Variants in CELF2 observed in about 807,000 individuals in gnomAD.
CELF2 encodes the protein CUGBP Elav-like family member 2, also known as CUG triplet repeat RNA-binding protein 2.
Under a neutral mutation model 62.6 loss-of-function variants are expected in CELF2, and 8 were observed. The ratio of observed to expected loss-of-function variants is 0.13; its 90% confidence interval spans 0.07 to 0.23. The LOEUF (loss-of-function observed/expected upper bound fraction) is 0.23. Ranked by LOEUF, CELF2 falls within the 10% of genes least tolerant of loss-of-function variation. CELF2 has a pLI of 1.00. For synonymous variants in CELF2, 258 were observed against 250.0 expected (o/e 1.03, Z -0.30); for missense variants, 333 against 671.0 (o/e 0.50, Z 5.56).
the CELF2 span, among the ~76,000 whole-genome samples, chr10:10,629,861 CAAAAAAAAAAAAAAAGAAA>C: frequency 4.0e-4 from 5 of 12,350 alleles, no homozygotes; most frequent in East Asian, 9.2e-3. Flanking sequence ...GGCTGAAGAC[CAAAAAAAAAAAAAAAGAAA>C]AAAAAAAAAA....
At chr10:11,229,732 G>C (rs1264430346) in intron 3 of CELF2, among the ~76,000 whole-genome samples, 1 of 152,020 alleles carries the variant, frequency 6.6e-6, no homozygotes, top group African/African-American at 2.4e-5. Flanking sequence ...TGGGATTATA[G>C]GCATGTGCCA....
At chr10:10,813,901 G>C (rs969613888) in intron 1 of CELF2, among the ~76,000 whole-genome samples, 2 of 152,156 alleles carry the variant, frequency 1.3e-5, no homozygotes, top group Non-Finnish European at 2.9e-5. Flanking sequence ...GAGAGAATCT[G>C]CTTCCCCCAG....
chr10:11,314,247 A>G lies in CELF2; in HGVS notation c.1085A>G (p.Asn362Ser). ...GCCACTGTTGGACTGAATAATATTA[A>G]TGCACTAGCAGGTACCATCAACAGT... ...AGATVGLNNINALAVAQMLSG... is the reference protein window; with the variant it reads ...AGATVGLNNISALAVAQMLSG... The change falls in exon 10 of 13, where the codon AAT becomes AGT. Residue 362 changes from asparagine (N) to serine (S), a missense_variant. By Grantham distance (46) the Asn-to-Ser change is conservative. Around this residue, in one of 3 missense-constraint regions of CELF2, gnomAD observed 253 missense variants for 503.0 expected, o/e 0.50. Coordinates refer to ENST00000633077, the MANE Select transcript of CELF2 (RefSeq NM_001326342.2). The surrounding 1 kb of genome is among the most constrained non-coding windows in gnomAD (Gnocchi z 5.3). The G allele has an allele frequency of 6.2e-6, 10 of 1,614,156 alleles. No individual in the cohort carries two copies. Among genetic ancestry groups the G allele is most frequent in the Non-Finnish European group, 8.5e-6 (10 of 1,180,018 alleles).
intron 1 of CELF2, among the ~76,000 whole-genome samples, chr10:11,107,581 A>G (rs1453502948): frequency 2.0e-5 from 3 of 152,040 alleles, no homozygotes; most frequent in Non-Finnish European, 4.4e-5. Flanking sequence ...ATACTATGCT[A>G]TATTTTAACC....
chr10:11,133,826 A>G (rs752029081), intron 1 of CELF2, among the ~76,000 whole-genome samples: 4 of 152,230 alleles, frequency 2.6e-5, no homozygotes, highest in Admixed American at 6.5e-5. Context: ...AGCTTCTTAC[A>G]GAAGAAGGTA....
chr10:11,333,944 T>G lies in CELF2; in HGVS notation c.*4891T>G, dbSNP rs2096073764. On this transcript the variant is annotated 3_prime_UTR_variant, in exon 13 of 13. Coordinates refer to ENST00000633077, the MANE Select transcript of CELF2 (RefSeq NM_001326342.2). ...GCTCTGGTGGGCCCCTGACAATGAC[T>G]GATTTCAAGTTTGATTTCGGGTTGA... 1 of 151,342 alleles carries G rather than the reference T, an allele frequency of 6.6e-6. No individual in the cohort carries two copies. Among genetic ancestry groups the G allele is most frequent in the African/African-American group, 2.5e-5 (1 of 40,778 alleles). The allele number at this position is 151,342 out of a possible 1,614,324, so 9.4% of individuals were successfully genotyped here. A position where few individuals can be genotyped will look rare whatever the true frequency, so the allele number is the denominator to read the frequency against.
intron 1 of CELF2, among the ~76,000 whole-genome samples, chr10:11,058,760 G>A (rs964194998): frequency 2.0e-5 from 3 of 151,828 alleles, no homozygotes; most frequent in South Asian, 2.1e-4. Flanking sequence ...GACCCACCGC[G>A]CCCGGGCTTT....
At chr10:11,116,541 C>G (rs1779343701) in intron 1 of CELF2, among the ~76,000 whole-genome samples, 1 of 152,180 alleles carries the variant, frequency 6.6e-6, no homozygotes, top group African/African-American at 2.4e-5. Context: ...GTCTTGAGCG[C>G]TAGTGCCACA....
At chr10:10,832,203 G>T (rs1287850625) in intron 1 of CELF2, among the ~76,000 whole-genome samples, 1 of 151,892 alleles carries the variant, frequency 6.6e-6, no homozygotes, top group Non-Finnish European at 1.5e-5. Flanking sequence ...AGGAGGCGGA[G>T]GTTCCAGTGA....
At chr10:10,874,754 T>C (rs2060979028) in intron 1 of CELF2, among the ~76,000 whole-genome samples, 1 of 152,180 alleles carries the variant, frequency 6.6e-6, no homozygotes, top group African/African-American at 2.4e-5. Flanking sequence ...ATTGGAAAGA[T>C]GGAGTATGTA....
chr10:11,106,391 C>T (rs1355502171), intron 1 of CELF2, among the ~76,000 whole-genome samples: 1 of 152,140 alleles, frequency 6.6e-6, no homozygotes, highest in Non-Finnish European at 1.5e-5. Flanking sequence ...CATGCACCAC[C>T]GTGCCCGGCT....
chr10:11,167,606 A>G (rs1194273218), intron 2 of CELF2, among the ~76,000 whole-genome samples: 1 of 152,166 alleles, frequency 6.6e-6, no homozygotes, highest in East Asian at 1.9e-4. Context: ...TCTCTTGCCC[A>G]GATGTTCCTA....
chr10:10,779,626 C>T, the CELF2 span, among the ~76,000 whole-genome samples: 4 of 152,042 alleles, frequency 2.6e-5, no homozygotes, highest in African/African-American at 9.7e-5. Flanking sequence ...TTTTCTGCCT[C>T]GCTCTACATC....
At chr10:10,693,997 G>A in the CELF2 span, among the ~76,000 whole-genome samples, 2 of 150,118 alleles carry the variant, frequency 1.3e-5, no homozygotes, top group African/African-American at 4.9e-5. Flanking sequence ...AGGGTTTTTT[G>A]TGTCTCTATT....
chr10:11,314,216 G>C lies in CELF2; in HGVS notation c.1054G>C (p.Ala352Pro). Residue 352 changes from alanine to proline, a missense_variant, in exon 10 of 13, where the codon GCT becomes CCT. Physicochemically the swap from Ala to Pro is conservative, Grantham distance 27 (BLOSUM62 -1). Coordinates refer to ENST00000633077, the MANE Select transcript of CELF2 (RefSeq NM_001326342.2). This position sits in a 1 kb window ranked among gnomAD's most constrained non-coding sequence, Gnocchi z 5.3. ...LTSLGTLQGLAGATVGLNNIN... is the reference protein window; with the variant it reads ...LTSLGTLQGLPGATVGLNNIN... Reference sequence around the variant, plus strand: ...CTCTCTCGGGACTCTGCAAGGACTGGCTGGAGCCACTGTTGGACTGAATAA... The same window carrying C: ...CTCTCTCGGGACTCTGCAAGGACTGCCTGGAGCCACTGTTGGACTGAATAA... 1.2e-6 allele frequency: 2 copies of C among 1,614,168 alleles called. No individual in the cohort carries two copies. Among genetic ancestry groups the C allele is most frequent in the Non-Finnish European group, 1.7e-6 (2 of 1,179,984 alleles).
At chr10:10,998,041 C>T (rs550649857) in intron 2 of CELF2, among the ~76,000 whole-genome samples, 7 of 152,300 alleles carry the variant, frequency 4.6e-5, no homozygotes, top group South Asian at 4.1e-4. Context: ...CCTCTGCACA[C>T]GCTCTCTTGC....
At chr10:11,187,263 A>T (rs1217055698) in intron 2 of CELF2, among the ~76,000 whole-genome samples, 2 of 151,372 alleles carry the variant, frequency 1.3e-5, no homozygotes, top group Non-Finnish European at 2.9e-5. Flanking sequence ...TTGTGAATTG[A>T]CTCCTTGGTG....
At chr10:10,625,568 A>C in the CELF2 span, among the ~76,000 whole-genome samples, 1 of 152,220 alleles carries the variant, frequency 6.6e-6, no homozygotes, top group Non-Finnish European at 1.5e-5. Flanking sequence ...CCTGAACAGC[A>C]AGGTTTTCCC....
At chr10:11,000,253 G>A (rs565664662) in intron 2 of CELF2, among the ~76,000 whole-genome samples, 3 of 151,566 alleles carry the variant, frequency 2.0e-5, no homozygotes, top group African/African-American at 4.8e-5. Context: ...TCTTCAATGG[G>A]CCTTTCTTTA....
Sources: gnomAD v4.1 joint callset for allele counts (sites outside exome capture counted in the v4.1 genomes callset) on GRCh38, gnomAD v4.1.1 for gene constraint, gnomAD v4.1.1 regional missense constraint, Gnocchi (gnomAD v3.1) non-coding constraint, MANE v1.5 for transcripts, NCBI Gene and HGNC (gene_info 2026-07-23, HGNC 2026-07-21) for gene names.